Variants in VWC2L observed in about 807,000 individuals in gnomAD.
VWC2L encodes von Willebrand factor C domain-containing protein 2-like.
Under a neutral mutation model 21.6 loss-of-function variants are expected in VWC2L, and 10 were observed. The ratio of observed to expected loss-of-function variants is 0.46; its 90% CI spans 0.29 to 0.78. VWC2L has a LOEUF of 0.78. Ranked by LOEUF, VWC2L falls within the 30% of genes least tolerant of loss-of-function variation. The pLI is 0.10. For missense variants in VWC2L, 209 were observed against 277.1 expected (o/e 0.75, Z 1.74); for synonymous variants, 96 against 94.3 (o/e 1.02, Z -0.10).
intron 3 of VWC2L, among the ~76,000 whole-genome samples, chr2:214,475,533 A>C (rs184691149): frequency 6.6e-5 from 10 of 152,290 alleles, no homozygotes; most frequent in Admixed American, 5.2e-4. Flanking sequence ...AAGGTAATGT[A>C]ACTAGCATTT....
At chr2:214,499,111 C>A (rs1039287547) in intron 3 of VWC2L, among the ~76,000 whole-genome samples, 2 of 147,716 alleles carry the variant, frequency 1.4e-5, no homozygotes, top group African/African-American at 5.0e-5. Context: ...CTCTGCCTCC[C>A]AGGTTCAAGC....
intron 3 of VWC2L, among the ~76,000 whole-genome samples, chr2:214,468,176 C>T (rs1703247610): frequency 6.6e-6 from 1 of 151,950 alleles, no homozygotes; most frequent in Admixed American, 6.6e-5. Context: ...ACCACCGCAC[C>T]CGGCTAATTT....
intron 3 of VWC2L, among the ~76,000 whole-genome samples, chr2:214,529,161 C>G (rs1224516318): frequency 6.6e-6 from 1 of 152,190 alleles, no homozygotes; most frequent in Non-Finnish European, 1.5e-5. Context: ...CACCTTAGCA[C>G]AGGTCCTTTC....
Position 214,511,826 on chromosome 2 carries a change from C to CTA in VWC2L, c.521-63833_521-63832dup, listed in dbSNP as rs986979065. The stretch of plus-strand genomic sequence containing the variant: ...GATGAAATAATAGTTACACAACACA[C>CTA]TATATATATATATACACTTTATATA... On this transcript the variant is annotated intron_variant, in intron 3 of 3. Coordinates refer to ENST00000312504, the MANE Select transcript of VWC2L (RefSeq NM_001080500.4). Among the ~76,000 whole-genome samples the CTA allele has an allele frequency of 6.8e-3, 833 of 121,774 alleles. 8 individuals are homozygous for CTA. The highest frequency in any genetic ancestry group is 0.016 in the African/African-American group (599 of 38,628). 79.9% of individuals were successfully genotyped at this position (121,774 alleles called of 152,430 possible).
At chr2:214,440,043 T>C (rs1470087878) in intron 3 of VWC2L, among the ~76,000 whole-genome samples, 1 of 151,946 alleles carries the variant, frequency 6.6e-6, no homozygotes, top group East Asian at 1.9e-4. Context: ...AGAAGAGAGT[T>C]TTAAATTTTC....
intron 3 of VWC2L, among the ~76,000 whole-genome samples, chr2:214,545,457 G>A (rs751922726): frequency 2.6e-5 from 4 of 152,258 alleles, no homozygotes; most frequent in Non-Finnish European, 4.4e-5. Context: ...CATGGTTTTT[G>A]TAAAGAGAAT....
intron 3 of VWC2L, among the ~76,000 whole-genome samples, chr2:214,565,069 T>C (rs1378082784): frequency 1.3e-5 from 2 of 152,184 alleles, no homozygotes; most frequent in Non-Finnish European, 2.9e-5. Context: ...TATTCAACAA[T>C]AACTCATGGA....
rs185364359 is a variant in VWC2L, at chr2:214,460,143, C to T, written c.520+23385C>T. Among the ~76,000 whole-genome samples the T allele has an allele frequency of 2.8e-4, 43 of 152,124 alleles. No individual in the cohort carries two copies. The East Asian group carries it at 7.5e-3, about 27-fold the overall frequency. ...GTTTCACTCCTGACCTCAGGTGATC[C>T]GCCTGCCTCAGCCTCTTAAAATCCT... On this transcript the variant is annotated intron_variant, in intron 3 of 3. Transcript: ENST00000312504.
chr2:214,458,921 GTC>G (rs974534216), intron 3 of VWC2L, among the ~76,000 whole-genome samples: 3 of 152,152 alleles, frequency 2.0e-5, no homozygotes, highest in African/African-American at 7.2e-5. Flanking sequence ...TTCTGTAAAT[GTC>G]TGTTAGGTCC....
intron 3 of VWC2L, among the ~76,000 whole-genome samples, chr2:214,534,356 T>C (rs1430247271): frequency 1.3e-5 from 2 of 152,168 alleles, no homozygotes; most frequent in African/African-American, 4.8e-5. Flanking sequence ...TGCATTTCTT[T>C]GGTTTCCAGT....
chr2:214,571,813 G>A (rs555108891), intron 3 of VWC2L, among the ~76,000 whole-genome samples: 20 of 151,664 alleles, frequency 1.3e-4, no homozygotes, highest in African/African-American at 3.9e-4. Flanking sequence ...TCGATTCAGG[G>A]GCTCCCTGTA....
chr2:214,499,879 C>T (rs1383759519), intron 3 of VWC2L, among the ~76,000 whole-genome samples: 1 of 152,106 alleles, frequency 6.6e-6, no homozygotes, highest in African/African-American at 2.4e-5. Flanking sequence ...GAGATAATAA[C>T]GTACAAGCCA....
intron 3 of VWC2L, among the ~76,000 whole-genome samples, chr2:214,553,812 G>A (rs1689833309): frequency 6.6e-6 from 1 of 152,122 alleles, no homozygotes; most frequent in Admixed American, 6.5e-5. Flanking sequence ...TGGCCAAGGG[G>A]AAGGTCCATC....
chr2:214,476,038 T>G (rs935656602), intron 3 of VWC2L, among the ~76,000 whole-genome samples: 1 of 152,176 alleles, frequency 6.6e-6, no homozygotes, highest in African/African-American at 2.4e-5. Context: ...AATAAATGTG[T>G]TATTATTTCT....
chr2:214,515,550 TTTTA>T (rs1299279349), intron 3 of VWC2L, among the ~76,000 whole-genome samples: 7 of 152,176 alleles, frequency 4.6e-5, no homozygotes, highest in African/African-American at 7.2e-5. Flanking sequence ...TATTTATTTA[TTTTA>T]TTTATTTATT....
At chr2:214,567,235 G>T (rs1690075520) in intron 3 of VWC2L, among the ~76,000 whole-genome samples, 1 of 152,082 alleles carries the variant, frequency 6.6e-6, no homozygotes, top group Non-Finnish European at 1.5e-5. Flanking sequence ...CAATAAAGTG[G>T]TCCTGACCAG....
At chr2:214,442,482 T>G (rs1026086176) in intron 3 of VWC2L, among the ~76,000 whole-genome samples, 3 of 152,138 alleles carry the variant, frequency 2.0e-5, no homozygotes, top group Non-Finnish European at 4.4e-5. Flanking sequence ...CCCCTTTTTA[T>G]TTTTGCATGT....
At chr2:214,539,490 C>A (rs533445126) in intron 3 of VWC2L, among the ~76,000 whole-genome samples, 31 of 152,130 alleles carry the variant, frequency 2.0e-4, no homozygotes, top group African/African-American at 7.2e-4. Context: ...AATAAGAGAC[C>A]TTTTAGGTCT....
At chr2:214,455,341 T>C (rs1029641140) in intron 3 of VWC2L, among the ~76,000 whole-genome samples, 19 of 152,358 alleles carry the variant, frequency 1.2e-4, no homozygotes, top group Admixed American at 2.6e-4. Flanking sequence ...TTTATGGTCA[T>C]AAAGTTGTTA....
Sources: gnomAD v4.1 joint callset for allele counts (sites outside exome capture counted in the v4.1 genomes callset) on GRCh38, gnomAD v4.1.1 for gene constraint, MANE v1.5 for transcripts, NCBI Gene and HGNC (gene_info 2026-07-23, HGNC 2026-07-21) for gene names.